Variants in AP3D1 observed in about 807,000 individuals in gnomAD.
AP3D1 encodes AP-3 complex subunit delta-1.
Under a neutral mutation model 147.6 loss-of-function variants are expected in AP3D1, and 51 were observed. That is an observed-to-expected ratio of 0.35 (90% CI 0.28 to 0.44). The LOEUF is 0.44. Among genes scored for constraint, AP3D1 ranks in the 20% least tolerant of loss-of-function variants. The probability of loss-of-function intolerance (pLI) is 1.00; values close to 1 mark genes in which losing one functional copy is unlikely to be tolerated. For missense variants in AP3D1, 1,421 were observed against 1,624.2 expected (o/e 0.87, Z 2.15); for synonymous variants, 760 against 663.0 (o/e 1.15, Z -2.25).
At chr19:2,113,556 T>G in intron 22 of AP3D1, 143 bp from the exon 23 acceptor site, 2 of 494,324 alleles carry the variant, frequency 4.0e-6, no homozygotes, top group African/African-American at 2.0e-5. Context: ...AGCCTGGGAA[T>G]CCAGGAGCTG....
Position 2,138,680 on chromosome 19 carries a change from T to C in AP3D1, c.131A>G (p.Lys44Arg). 1 of 1,613,842 alleles carries C rather than the reference T, an allele frequency of 6.2e-7. No homozygotes were observed. The highest frequency in any genetic ancestry group is 8.5e-7 in the Non-Finnish European group (1 of 1,180,002). Residue 44 changes from lysine to arginine, a missense_variant, in exon 2 of 32, where the codon AAG becomes AGG. Physicochemically the swap from Lys to Arg is conservative, Grantham distance 26. Around this residue, in one of 6 missense-constraint regions of AP3D1, gnomAD observed 292 missense variants for 412.0 expected, o/e 0.71. Transcript: ENST00000643116. ...TATGTTGTCCTGCTTCAGCTCCTGC[T>C]TGATCTCATCAATGCACTGAGATAT... The part of the protein sequence containing the change: ...KYISQCIDEI[K>R]QELKQDNIAV...
chr19:2,138,561 G>C, intron 2 of AP3D1, 58 bp downstream of exon 2: 1 of 1,291,382 alleles, frequency 7.7e-7, no homozygotes. Flanking sequence ...TAGGGGACAC[G>C]TGCTGAGTGG....
At chr19:2,118,016 C>T (rs182621238) in intron 15 of AP3D1, among the ~76,000 whole-genome samples, 12 of 152,164 alleles carry the variant, frequency 7.9e-5, no homozygotes, top group Admixed American at 7.2e-4. Flanking sequence ...AAAAATTAGC[C>T]GGGCGTGGTG....
In AP3D1 at chr19:2,114,806, C is replaced by T. The variant is rs2018393526; in HGVS notation, c.2365G>A (p.Asp789Asn). 3.7e-6 allele frequency: 6 copies of T among 1,614,052 alleles called. No individual in the cohort carries two copies. The highest frequency in any genetic ancestry group is 5.1e-6 in the Non-Finnish European group (6 of 1,179,956). ...EEMPENALPS[D>N]EDDKDPNDPY... ...TCGTTGGGGTCTTTGTCATCCTCGT[C>T]GCTGGGCAGAGCATTCTGACAGGAA... is the stretch of plus-strand genomic sequence containing the variant. Residue 789 changes from aspartate to asparagine, a missense_variant, in exon 21 of 32, where the codon GAC becomes AAC. By Grantham distance (23) the Asp-to-Asn change is conservative (BLOSUM62 1). Around this residue, in one of 6 missense-constraint regions of AP3D1, gnomAD observed 791 missense variants for 761.4 expected, o/e 1.04. Coordinates refer to ENST00000643116, the MANE Select transcript of AP3D1 (RefSeq NM_001261826.3).
At chr19:2,152,756 A>ATCCCAGCT (rs1206342675), upstream of AP3D1, among the ~76,000 whole-genome samples, 3 of 150,872 alleles carry the variant, frequency 2.0e-5, no homozygotes, top group Non-Finnish European at 4.4e-5. Context: ...TGCACCTGTA[A>ATCCCAGCT]TCCCAGCTAC....
At chr19:2,105,705 T>G (rs1478328057) in intron 31 of AP3D1, among the ~76,000 whole-genome samples, 1 of 152,102 alleles carries the variant, frequency 6.6e-6, no homozygotes, top group Non-Finnish European at 1.5e-5. Context: ...GCCACTGGGT[T>G]AGGGTCTCCC....
chr19:2,148,072 G>A (rs1293087499), intron 1 of AP3D1, among the ~76,000 whole-genome samples: 13 of 150,528 alleles, frequency 8.6e-5, no homozygotes, highest in African/African-American at 2.0e-4. Context: ...GCGTGAACCC[G>A]GGAGGCACAG....
At chr19:2,102,825 G>A (rs111246221) in intron 31 of AP3D1, among the ~76,000 whole-genome samples, 18,866 of 151,914 alleles carry the variant, frequency 0.12, 1,295 homozygotes, top group Non-Finnish European at 0.16. Context: ...CAGGACACCT[G>A]TAATCCCAGC....
At chr19:2,153,885 G>A (rs1263604931), upstream of AP3D1, among the ~76,000 whole-genome samples, 1 of 84,890 alleles carries the variant, frequency 1.2e-5, no homozygotes, top group Non-Finnish European at 3.8e-5. Context: ...CTGTAGCCCA[G>A]GCTGGAATGC....
At chr19:2,139,118 C>T (rs532869242) in intron 1 of AP3D1, among the ~76,000 whole-genome samples, 5 of 149,828 alleles carry the variant, frequency 3.3e-5, no homozygotes, top group Admixed American at 6.6e-5. Flanking sequence ...GAGAGCACAC[C>T]GTGTAATCCA....
chr19:2,138,445 A>G (rs1262164723), intron 2 of AP3D1, among the ~76,000 whole-genome samples, 174 bp downstream of exon 2: 3 of 152,192 alleles, frequency 2.0e-5, no homozygotes, highest in African/African-American at 7.2e-5. Flanking sequence ...TTTGCCAGCC[A>G]TGTGACCAAC....
intron 22 of AP3D1, 107 bp downstream of exon 22, chr19:2,114,018 C>T (rs2018362003): frequency 6.8e-7 from 1 of 1,461,722 alleles, no homozygotes; most frequent in Admixed American, 2.7e-5. Flanking sequence ...GCACTCGCTG[C>T]CTGACTCAGA....
chr19:2,129,197 G>T, intron 7 of AP3D1, 34 bp from the exon 8 acceptor site: 1 of 1,607,994 alleles, frequency 6.2e-7, no homozygotes, highest in Non-Finnish European at 8.5e-7. Flanking sequence ...TCACCCGCAG[G>T]GAATGCCCCA....
upstream of AP3D1, among the ~76,000 whole-genome samples, chr19:2,156,242 G>T (rs1400536102): frequency 6.6e-6 from 1 of 152,100 alleles, no homozygotes; most frequent in African/African-American, 2.4e-5. Context: ...AGCTCTGGCA[G>T]GAGATGGGGA....
intron 31 of AP3D1, among the ~76,000 whole-genome samples, chr19:2,107,739 C>CA (rs1268434677): frequency 0.096 from 8,291 of 86,246 alleles, 326 homozygotes; most frequent in East Asian, 0.28. Flanking sequence ...GACTCCGTCT[C>CA]AAAAAAAAAA....
chr19:2,124,945 C>G (rs1446706625), intron 9 of AP3D1, among the ~76,000 whole-genome samples: 2 of 151,966 alleles, frequency 1.3e-5, no homozygotes, highest in African/African-American at 4.8e-5. Flanking sequence ...GCGATCCCCC[C>G]CACCGCCCCA....
At chr19:2,140,413 C>T (rs1305834705) in intron 1 of AP3D1, among the ~76,000 whole-genome samples, 5 of 152,178 alleles carry the variant, frequency 3.3e-5, no homozygotes, top group Non-Finnish European at 1.5e-5. Flanking sequence ...CAGGAACAGC[C>T]CCCACGCTCG....
chr19:2,150,998 G>A (rs552778255), intron 1 of AP3D1, among the ~76,000 whole-genome samples: 152 of 152,376 alleles, frequency 1.0e-3, no homozygotes, highest in Non-Finnish European at 1.9e-3. Context: ...GATCCGATGA[G>A]GCGAGGATCC....
chr19:2,111,194 G>A (rs1438014032), intron 26 of AP3D1, 91 bp downstream of exon 26: 10 of 1,500,858 alleles, frequency 6.7e-6, no homozygotes, highest in East Asian at 2.3e-5. Context: ...ACCAACATCC[G>A]GGAGCTGTGG....
Sources: allele counts gnomAD v4.1 joint callset (sites outside exome capture counted in the v4.1 genomes callset), GRCh38; gene constraint gnomAD v4.1.1; regional missense constraint gnomAD v4.1.1; transcripts MANE v1.5; gene names NCBI Gene and HGNC (gene_info 2026-07-23, HGNC 2026-07-21).